Variants in TJP1 observed in about 807,000 individuals in gnomAD.
The protein encoded by TJP1 is tight junction protein 1.
A neutral mutation model predicts 194.2 loss-of-function variants in TJP1; 43 were observed. The ratio of observed to expected loss-of-function variants is 0.22; its 90% CI spans 0.17 to 0.29. The LOEUF (loss-of-function observed/expected upper bound fraction) is 0.29, where lower values mean the gene tolerates loss of function less well. Ranked by LOEUF, TJP1 falls within the 10% of genes least tolerant of loss-of-function variation. The pLI, the probability that TJP1 is intolerant of heterozygous loss-of-function variation, is 1.00. For synonymous variants in TJP1, 801 were observed against 779.0 expected, an observed-to-expected ratio of 1.03 and a Z score of -0.47; for missense variants, 1,971 against 2,185.7, an observed-to-expected ratio of 0.90 and a Z score of 1.96.
intron 2 of TJP1, among the ~76,000 whole-genome samples, chr15:29,781,795 G>A (rs1286229912): frequency 6.6e-6 from 1 of 152,094 alleles, no homozygotes; most frequent in Non-Finnish European, 1.5e-5. Context: ...CAATAAACTA[G>A]GCATTGAAAT....
chr15:29,943,816 C>T (rs1395337384), intron 2 of TJP1, among the ~76,000 whole-genome samples: 4 of 150,232 alleles, frequency 2.7e-5, no homozygotes, highest in Non-Finnish European at 5.9e-5. Context: ...GGTATGGTGG[C>T]GCGCGCCTGT....
At chr15:29,933,741 A>G (rs979317064) in intron 2 of TJP1, among the ~76,000 whole-genome samples, 2 of 152,194 alleles carry the variant, frequency 1.3e-5, no homozygotes, top group African/African-American at 4.8e-5. Flanking sequence ...GAAGCCCAGT[A>G]TACTGAAAGA....
At chr15:29,715,645 T>A (rs989850316) in intron 23 of TJP1, among the ~76,000 whole-genome samples, 3 of 152,200 alleles carry the variant, frequency 2.0e-5, no homozygotes, top group African/African-American at 7.2e-5. Flanking sequence ...GGCTAGGTAC[T>A]GCCATGAAGG....
At chr15:29,837,097 T>C (rs1034587833) in intron 2 of TJP1, among the ~76,000 whole-genome samples, 6 of 152,178 alleles carry the variant, frequency 3.9e-5, no homozygotes, top group African/African-American at 1.4e-4. Flanking sequence ...AGAAAAGATG[T>C]GGAGGTGAAA....
chr15:29,780,062 A>G (rs976529554), intron 2 of TJP1, among the ~76,000 whole-genome samples: 8 of 151,960 alleles, frequency 5.3e-5, no homozygotes, highest in African/African-American at 1.5e-4. Context: ...AACCCTCTAT[A>G]CCAGCAGTCC....
chr15:29,827,492 C>G (rs1312710415), upstream of TJP1, among the ~76,000 whole-genome samples: 1 of 152,206 alleles, frequency 6.6e-6, no homozygotes, highest in East Asian at 1.9e-4. Flanking sequence ...TCCTTCCAGC[C>G]TTCCCGAGTC....
intron 2 of TJP1, among the ~76,000 whole-genome samples, chr15:29,864,980 T>G (rs2052250828): frequency 6.6e-6 from 1 of 152,244 alleles, no homozygotes; most frequent in Non-Finnish European, 1.5e-5. Context: ...AATTTTCTTC[T>G]TCTGTGGGAG....
chr15:29,710,950 C>T lies in TJP1; in HGVS notation c.4253G>A (p.Arg1418His), dbSNP rs769496614. Residue 1418 changes from arginine to histidine, a missense_variant, in exon 24 of 28, where the codon CGC (arginine) becomes CAC (histidine). Transcript: ENST00000614355. The part of the protein sequence containing the change: ...DGVDRSFGEK[R>H]YEPIQATPPP... The stretch of plus-strand genomic sequence containing the variant: ...GGGAGTGGCCTGGATGGGTTCATAG[C>T]GTTTCTCGCCAAATGATCTATCCAC... 57 of 1,613,916 alleles carry T rather than the reference C, an allele frequency of 3.5e-5. No individual in the cohort carries two copies. Among genetic ancestry groups the T allele is most frequent in the Non-Finnish European group, 4.3e-5 (51 of 1,180,006 alleles).
At chr15:29,728,679 T>A (rs1450726682) in intron 15 of TJP1, 2 of 152,280 alleles carry the variant, frequency 1.3e-5, no homozygotes, top group Non-Finnish European at 2.9e-5. Context: ...CACAGCAACG[T>A]TTGTGACTCT....
intron 2 of TJP1, among the ~76,000 whole-genome samples, chr15:29,929,216 C>T (rs1719358): frequency 0.26 from 38,795 of 151,864 alleles, 5,178 homozygotes; most frequent in East Asian, 0.35. Flanking sequence ...TTTATGGACA[C>T]AGTTTTAAAA....
At chr15:29,759,350 C>T (rs190745049) in intron 8 of TJP1, 1 of 152,204 alleles carries the variant, frequency 6.6e-6, no homozygotes, top group Admixed American at 6.5e-5. Flanking sequence ...TTACTGAGGT[C>T]CAATTGACAA....
intron 2 of TJP1, among the ~76,000 whole-genome samples, chr15:29,885,578 A>G (rs907267653): frequency 2.6e-5 from 4 of 152,230 alleles, no homozygotes; most frequent in African/African-American, 9.6e-5. Flanking sequence ...AAAAACAAAG[A>G]CACTAAAACC....
intron 2 of TJP1, among the ~76,000 whole-genome samples, chr15:29,944,249 C>A (rs1239447906): frequency 6.6e-6 from 1 of 151,814 alleles, no homozygotes; most frequent in Non-Finnish European, 1.5e-5. Context: ...CCCGCCACCA[C>A]ACCCGGCTAA....
chr15:29,851,464 C>A lies in TJP1; in HGVS notation c.307-50762G>T, dbSNP rs143150361. Among the ~76,000 whole-genome samples the A allele has an allele frequency of 9.4e-3, 1,434 of 152,142 alleles. 13 individuals carry two copies. Among genetic ancestry groups the A allele is most frequent in the Admixed American group, 0.02 (306 of 15,276 alleles). On this transcript the variant is annotated intron_variant, in intron 2 of 28. Coordinates refer to the TJP1 transcript ENST00000356107. ...ATAGCCCTATTACCAATTTAAAAAA[C>A]CAATATCTAATTTAAAAACTCCCAA...
In TJP1 at chr15:29,949,763, A is replaced by AC. The variant is rs1438146083; in HGVS notation, c.306+6468dup. On this transcript the variant is annotated intron_variant, in intron 2 of 28. Transcript: ENST00000356107. The stretch of plus-strand genomic sequence containing the variant: ...CACCACCACCTCCACTTTCACCACC[A>AC]CTACCTCCACCACCTCCACCACCAC... 4.9e-4 allele frequency among the ~76,000 whole-genome samples: 34 copies of AC among 68,818 alleles called. 1 individual carries two copies. The highest frequency in any genetic ancestry group is 8.4e-4 in the Non-Finnish European group (29 of 34,390). The allele number at this position is 68,818 out of a possible 152,430, so 45.1% of individuals were successfully genotyped here.
Position 29,960,956 on chromosome 15 carries a change from T to C in TJP1, c.174-4592A>G, listed in dbSNP as rs180836597. On this transcript the variant is annotated intron_variant, in intron 1 of 28. Transcript: ENST00000356107. The stretch of plus-strand genomic sequence containing the variant: ...GTAAGTAGAAGTGCTCTTGTAGGAA[T>C]AGGTGAATTTTAGATGTTGCTTCTC... Among the ~76,000 whole-genome samples the C allele has an allele frequency of 3.9e-5, 6 of 152,320 alleles. No homozygotes were observed. In the East Asian group the frequency reaches 1.2e-3, roughly 29 times the overall value.
At chr15:29,929,975 A>G (rs2054654106) in intron 2 of TJP1, among the ~76,000 whole-genome samples, 1 of 152,190 alleles carries the variant, frequency 6.6e-6, no homozygotes, top group Non-Finnish European at 1.5e-5. Flanking sequence ...TACAACTGAA[A>G]ATTTAGGGAA....
rs541658395 is a variant in TJP1, at chr15:29,931,385, C to CA, written c.306+24846dup. On this transcript the variant is annotated intron_variant, in intron 2 of 28. Transcript: ENST00000356107. The stretch of plus-strand genomic sequence containing the variant: ...GTCAACTGTAAGTCATGTACAACAG[C>CA]AAAAAAACTATATAACAAATCAAAC... Among the ~76,000 whole-genome samples the CA allele has an allele frequency of 1.6e-4, 24 of 151,800 alleles. No homozygotes were observed. In the East Asian group the frequency reaches 3.3e-3, roughly 21 times the overall value.
chr15:29,912,683 A>T (rs2054053477), intron 2 of TJP1, among the ~76,000 whole-genome samples: 1 of 132,684 alleles, frequency 7.5e-6, no homozygotes, highest in African/African-American at 2.8e-5. Flanking sequence ...GAGACAGAGC[A>T]AGACTCTGTC....
Sources: allele counts gnomAD v4.1 joint callset (sites outside exome capture counted in the v4.1 genomes callset), GRCh38; gene constraint gnomAD v4.1.1; transcripts MANE v1.5; gene names NCBI Gene and HGNC (gene_info 2026-07-23, HGNC 2026-07-21).